The following LANCL3 variants were observed in gnomAD, a reference collection of about 807,000 sequenced individuals.
LANCL3 encodes lanC-like protein 3.
LANCL3 carries 19 observed loss-of-function variants against 26.5 expected under a neutral mutation model. That is an observed-to-expected ratio of 0.72 (90% CI 0.50 to 1.05). The LOEUF (loss-of-function observed/expected upper bound fraction) is 1.05. LANCL3 is among the 50% of genes least tolerant of loss of function. The pLI, the probability that LANCL3 is intolerant of heterozygous loss-of-function variation, is 0.00. For synonymous variants in LANCL3, 160 were observed against 166.6 expected, an observed-to-expected ratio of 0.96 and a Z score of 0.30; for missense variants, 318 against 362.7, an observed-to-expected ratio of 0.88 and a Z score of 1.00.
At chrX:37,629,427 T>G (rs1408895263) in intron 1 of LANCL3, among the ~76,000 whole-genome samples, 1 of 110,321 alleles carries the variant, frequency 9.1e-6, no homozygotes, top group Admixed American at 9.7e-5. Flanking sequence ...TAGTTTCTTT[T>G]GCTGTGCAGA....
intron 1 of LANCL3, among the ~76,000 whole-genome samples, chrX:37,625,527 C>T (rs1186479458): frequency 1.1e-4 from 12 of 111,276 alleles, no homozygotes; most frequent in African/African-American, 3.9e-4. Flanking sequence ...GATTTTGGAG[C>T]CTCACAACAC....
chrX:37,665,765 A>G (rs1399266050), intron 3 of LANCL3, among the ~76,000 whole-genome samples: 1 of 111,952 alleles, frequency 8.9e-6, no homozygotes, highest in Non-Finnish European at 1.9e-5. Context: ...TGGTAATAGC[A>G]GAGCATTAAA....
intron 3 of LANCL3, among the ~76,000 whole-genome samples, chrX:37,663,458 T>A (rs73631193): frequency 0.067 from 7,466 of 110,879 alleles, 624 homozygotes; most frequent in African/African-American, 0.23. Context: ...GGAAGCACTG[T>A]AGGTGGTTTG....
intron 1 of LANCL3, among the ~76,000 whole-genome samples, chrX:37,581,084 A>G (rs1350367572): frequency 4.4e-5 from 5 of 112,386 alleles, no homozygotes; most frequent in East Asian, 2.8e-4. Context: ...ACTGAGCTTC[A>G]GGTGATGCCG....
At chrX:37,668,665 C>T (rs1157729916) in intron 4 of LANCL3, among the ~76,000 whole-genome samples, 1 of 111,699 alleles carries the variant, frequency 9.0e-6, no homozygotes, top group Non-Finnish European at 1.9e-5. Flanking sequence ...CTCTCATACC[C>T]ACCCATGTAG....
intron 1 of LANCL3, among the ~76,000 whole-genome samples, chrX:37,617,048 A>C (rs1925028122): frequency 9.2e-6 from 1 of 109,168 alleles, no homozygotes; most frequent in Non-Finnish European, 1.9e-5. Context: ...CAAAAAAATG[A>C]CATTTGAATG....
chrX:37,650,553 A>G (rs935243539), intron 1 of LANCL3, among the ~76,000 whole-genome samples: 3 of 105,460 alleles, frequency 2.8e-5, no homozygotes, highest in African/African-American at 1.0e-4. Context: ...GACTAAAAAG[A>G]AAGGGCGGAG....
rs1434086492 is a variant in LANCL3, at chrX:37,683,072, C to A, written c.*7259C>A. ...TGGTGAATATATACTGGGTCAAGCA[C>A]CACATGTTAGTTTTGGAATGTGTAT... On this transcript the variant is annotated 3_prime_UTR_variant, in exon 5 of 5. Transcript: ENST00000378619. 5 of 111,852 alleles carry A rather than the reference C, an allele frequency of 4.5e-5. No homozygotes were observed. Among genetic ancestry groups the A allele is most frequent in the East Asian group, 5.6e-4 (2 of 3,599 alleles). The allele number at this position is 111,852 out of a possible 1,213,427, so 9.2% of individuals were successfully genotyped here. A position where few individuals can be genotyped will look rare whatever the true frequency, so the allele number is the denominator to read the frequency against.
intron 1 of LANCL3, among the ~76,000 whole-genome samples, chrX:37,595,594 T>TA (rs1461881501): frequency 8.9e-6 from 1 of 112,492 alleles, no homozygotes; most frequent in East Asian, 2.8e-4. Context: ...ATGATCCACT[T>TA]ACGCGTTTCT....
rs782816762 is a variant in LANCL3 at position 37,583,926 on chromosome X, C to T, written c.573+11483C>T. On this transcript the variant is annotated intron_variant, in intron 1 of 4. Coordinates refer to ENST00000378619, the MANE Select transcript of LANCL3 (RefSeq NM_001170331.2). ...TCAAAGGGAATGCTTCCAGTTTTTG[C>T]CCATTCAGTATGATATTGGCTGTGT... Among the ~76,000 whole-genome samples the T allele has an allele frequency of 6.3e-3, 707 of 111,889 alleles. 4 individuals are homozygous for T. The highest frequency in any genetic ancestry group is 0.022 in the African/African-American group (674 of 30,717).
At chrX:37,668,214 A>G (rs781960128) in intron 4 of LANCL3, among the ~76,000 whole-genome samples, 1 of 107,218 alleles carries the variant, frequency 9.3e-6, no homozygotes, top group South Asian at 4.0e-4. Context: ...GCACATGTAT[A>G]GGTATATCTG....
rs1242929264 is a variant in LANCL3, at chrX:37,586,431, C to T, written c.573+13988C>T. ...CCATTCTCCCCATCACTTTCAGGTA[C>T]ACTAATCAGACGTACATTTGGTCTT... is the stretch of plus-strand genomic sequence containing the variant. On this transcript the variant is annotated intron_variant, in intron 1 of 4. Transcript: ENST00000378619. Among the ~76,000 whole-genome samples the T allele has an allele frequency of 2.7e-5, 3 of 112,031 alleles. No homozygotes were observed. In the Admixed American group the frequency reaches 2.8e-4, roughly 11 times the overall value.
At chrX:37,671,368 G>T (rs1926681170) in intron 4 of LANCL3, among the ~76,000 whole-genome samples, 1 of 111,017 alleles carries the variant, frequency 9.0e-6, no homozygotes, top group African/African-American at 3.3e-5. Flanking sequence ...TTTTACCGTG[G>T]TCTTTTATAT....
At chrX:37,638,850 A>G (rs1026763436) in intron 1 of LANCL3, among the ~76,000 whole-genome samples, 2 of 110,502 alleles carry the variant, frequency 1.8e-5, no homozygotes, top group Non-Finnish European at 3.8e-5. Flanking sequence ...GACCTCTATC[A>G]CCATACTTTG....
rs1289180836 is a variant in LANCL3 at position 37,683,409 on chromosome X, G to C, written c.*7596G>C. 9.0e-6 allele frequency: 1 copy of C among 111,472 alleles called. No homozygotes were observed. The highest frequency in any genetic ancestry group is 1.9e-5 in the Non-Finnish European group (1 of 53,019). 9.2% of individuals were successfully genotyped at this position (111,472 alleles called of 1,213,427 possible). A position where few individuals can be genotyped will look rare whatever the true frequency, so the allele number is the denominator to read the frequency against. On this transcript the variant is annotated 3_prime_UTR_variant, in exon 5 of 5. Transcript: ENST00000378619. Reference sequence around the variant, plus strand: ...AAATTGTACTATTTGCAATATATTTGCCTTGGCACAAATGCAGAGTTAAAA... The same window carrying C: ...AAATTGTACTATTTGCAATATATTTCCCTTGGCACAAATGCAGAGTTAAAA...
At chrX:37,634,337 C>T (rs923215239) in intron 1 of LANCL3, among the ~76,000 whole-genome samples, 17 of 112,793 alleles carry the variant, frequency 1.5e-4, no homozygotes, top group African/African-American at 5.1e-4. Context: ...TTCCAGGTGC[C>T]GTCTGTTACC....
chrX:37,657,359 C>T (rs1164778786), intron 2 of LANCL3, among the ~76,000 whole-genome samples: 1 of 110,785 alleles, frequency 9.0e-6, no homozygotes, highest in Non-Finnish European at 1.9e-5. Context: ...CTATTCCATT[C>T]ATTTTTCTGG....
At chrX:37,604,238 C>G (rs1924646073) in intron 1 of LANCL3, among the ~76,000 whole-genome samples, 1 of 112,553 alleles carries the variant, frequency 8.9e-6, no homozygotes, top group Non-Finnish European at 1.9e-5. Context: ...TGTTCTGAAG[C>G]TAAGCACCCC....
At chrX:37,628,453 T>C (rs1176917560) in intron 1 of LANCL3, among the ~76,000 whole-genome samples, 1 of 110,620 alleles carries the variant, frequency 9.0e-6, no homozygotes, top group African/African-American at 3.3e-5. Flanking sequence ...ATGTTTTTTT[T>C]ATTATTATTA....
Sources: allele counts gnomAD v4.1 joint callset (sites outside exome capture counted in the v4.1 genomes callset), GRCh38; gene constraint gnomAD v4.1.1; transcripts MANE v1.5; gene names NCBI Gene and HGNC (gene_info 2026-07-23, HGNC 2026-07-21).